SIM1: variants seen among roughly 807,000 people sequenced by gnomAD.
The protein encoded by SIM1 is SIM bHLH transcription factor 1, also known as single-minded homolog 1.
SIM1 carries 18 observed loss-of-function variants against 78.2 expected under a neutral mutation model. The observed-to-expected ratio is 0.23, with a 90% confidence interval of 0.16 to 0.34. SIM1 has a LOEUF of 0.34. Ranked by LOEUF, SIM1 falls within the 10% of genes least tolerant of loss-of-function variation. SIM1 has a pLI of 1.00. For synonymous variants in SIM1, 417 were observed against 385.2 expected, an observed-to-expected ratio of 1.08 and a Z score of -0.97; for missense variants, 939 against 975.1, an observed-to-expected ratio of 0.96 and a Z score of 0.49.
At chr6:100,396,239 T>A in intron 10 of SIM1, 1 of 171,730 alleles carries the variant, frequency 5.8e-6, no homozygotes, top group Non-Finnish European at 1.2e-5. Context: ...TCAGAGAAAC[T>A]CAGACCATCA....
chr6:100,413,405 G>A (rs1582622092), intron 10 of SIM1, among the ~76,000 whole-genome samples: 1 of 152,128 alleles, frequency 6.6e-6, no homozygotes, highest in Non-Finnish European at 1.5e-5. Flanking sequence ...GCCCCAAAAT[G>A]TCTTCCTTTT....
rs1265199331 is a variant in SIM1, at chr6:100,412,587, G to GAA, written c.1167+8201_1167+8202dup. ...AGAAAGAAAGAAAGAAAGAAAGAAA[G>GAA]AAAGAAAGAAAGAAAGAAAGAAAGG... On this transcript the variant is annotated intron_variant, in intron 10 of 11. Transcript: ENST00000369208. Among the ~76,000 whole-genome samples, 57 of 90,346 alleles carry GAA rather than the reference G, an allele frequency of 6.3e-4. 3 individuals are homozygous for GAA. Among genetic ancestry groups the GAA allele is most frequent in the African/African-American group, 2.2e-3 (55 of 25,252 alleles). The allele number at this position is 90,346 out of a possible 152,430, so 59.3% of individuals were successfully genotyped here. A position where few individuals can be genotyped will look rare whatever the true frequency, so the allele number is the denominator to read the frequency against.
At chr6:100,394,438 C>A (rs1259120243) in intron 10 of SIM1, among the ~76,000 whole-genome samples, 1 of 152,136 alleles carries the variant, frequency 6.6e-6, no homozygotes, top group Non-Finnish European at 1.5e-5. Flanking sequence ...CAGGGTCTGG[C>A]CCTGTCCCCC....
chr6:100,413,688 C>T (rs529931862), intron 10 of SIM1, among the ~76,000 whole-genome samples: 7 of 151,908 alleles, frequency 4.6e-5, no homozygotes, highest in Admixed American at 1.3e-4. Context: ...CCTAAGATAC[C>T]CACTTAAGTA....
chr6:100,456,440 C>T (rs1772664372), intron 2 of SIM1, among the ~76,000 whole-genome samples: 1 of 152,152 alleles, frequency 6.6e-6, no homozygotes, highest in African/African-American at 2.4e-5. Context: ...CCCTTTGCGG[C>T]GGGATTACAG....
At chr6:100,446,803 G>A (rs140155626) in intron 9 of SIM1, among the ~76,000 whole-genome samples, 4 of 152,162 alleles carry the variant, frequency 2.6e-5, no homozygotes, top group Admixed American at 1.3e-4. Flanking sequence ...TGTGGTTCAG[G>A]GGGGAAGCCA....
intron 9 of SIM1, among the ~76,000 whole-genome samples, chr6:100,429,205 C>CA (rs1006652746): frequency 5.3e-5 from 8 of 152,092 alleles, no homozygotes; most frequent in South Asian, 2.1e-4. Flanking sequence ...CCCATCTCCA[C>CA]AAAAAATACA....
At chr6:100,448,301 T>C in intron 7 of SIM1, 49 bp from the exon 8 acceptor site, 2 of 1,491,680 alleles carry the variant, frequency 1.3e-6, no homozygotes, top group Non-Finnish European at 9.2e-7. Flanking sequence ...GGTGCAGGGA[T>C]GCCCTCCCCA....
In SIM1 at chr6:100,393,492, A is replaced by C. The variant is rs756695640; in HGVS notation, c.1565T>G (p.Ile522Ser). 7.8e-6 allele frequency: 12 copies of C among 1,529,800 alleles called. No homozygotes were observed. The highest frequency in any genetic ancestry group is 9.7e-6 in the Non-Finnish European group (11 of 1,135,662). 94.8% of individuals were successfully genotyped at this position (1,529,800 alleles called of 1,614,324 possible). Residue 522 changes from isoleucine (I) to serine (S), a missense_variant, in exon 11 of 12, where the codon ATC (isoleucine) becomes AGC (serine). Transcript: ENST00000369208. Reference protein sequence around the residue: ...SMPHIASVHRIHGRGHWDEDS... With the variant: ...SMPHIASVHRSHGRGHWDEDS... ...ACCCTTTCACCTGCTCTTACCATGGATCCTGTGGACTGAAGCGATGTGAGG... is the reference window on the plus strand; with the variant it reads ...ACCCTTTCACCTGCTCTTACCATGGCTCCTGTGGACTGAAGCGATGTGAGG...
At chr6:100,404,357 A>G (rs1771001919) in intron 10 of SIM1, among the ~76,000 whole-genome samples, 1 of 152,202 alleles carries the variant, frequency 6.6e-6, no homozygotes, top group Non-Finnish European at 1.5e-5. Flanking sequence ...GGTTTTTATC[A>G]TTTATAGCTG....
chr6:100,395,011 C>T (rs919419365), intron 10 of SIM1, among the ~76,000 whole-genome samples: 1 of 152,108 alleles, frequency 6.6e-6, no homozygotes. Context: ...AATTAAATGG[C>T]TTATCTACTC....
chr6:100,422,929 G>A (rs972214989), intron 9 of SIM1, among the ~76,000 whole-genome samples: 1 of 152,048 alleles, frequency 6.6e-6, no homozygotes, highest in Non-Finnish European at 1.5e-5. Context: ...CCAAACACAG[G>A]GCAATGATGT....
intron 9 of SIM1, 152 bp downstream of exon 9, chr6:100,447,116 A>G (rs573169672): frequency 6.1e-4 from 455 of 751,834 alleles, no homozygotes; most frequent in Non-Finnish European, 9.0e-4. Context: ...AAAGTGTTCG[A>G]TCTGCCTCCT....
intron 9 of SIM1, among the ~76,000 whole-genome samples, chr6:100,426,933 A>G (rs959677148): frequency 6.6e-6 from 1 of 152,222 alleles, no homozygotes; most frequent in Non-Finnish European, 1.5e-5. Flanking sequence ...TCAAATTACC[A>G]AGGAAACGTG....
At chr6:100,396,572 T>C (rs917972323) in intron 10 of SIM1, among the ~76,000 whole-genome samples, 1 of 152,102 alleles carries the variant, frequency 6.6e-6, no homozygotes, top group Non-Finnish European at 1.5e-5. Context: ...CCCTGAGATA[T>C]TCAAGCAGGC....
At chr6:100,451,147 T>C (rs1195350129) in intron 3 of SIM1, among the ~76,000 whole-genome samples, 1 of 152,126 alleles carries the variant, frequency 6.6e-6, no homozygotes, top group Non-Finnish European at 1.5e-5. Flanking sequence ...TGAAGACAGA[T>C]ATAGTGACCA....
chr6:100,436,373 T>C (rs1424338507), intron 9 of SIM1, among the ~76,000 whole-genome samples: 1 of 152,246 alleles, frequency 6.6e-6, no homozygotes, highest in Non-Finnish European at 1.5e-5. Context: ...TAAAGGCCAC[T>C]AGTCCTAACC....
At chr6:100,446,941 CCTCT>C (rs969741600) in intron 9 of SIM1, among the ~76,000 whole-genome samples, 3 of 152,128 alleles carry the variant, frequency 2.0e-5, no homozygotes, top group African/African-American at 7.2e-5. Context: ...TAGATCCTTT[CCTCT>C]CTCTCTCTTT....
Position 100,464,648 on chromosome 6 carries a change from C to A in SIM1, c.-502G>T, listed in dbSNP as rs373982767. 6.6e-6 allele frequency: 1 copy of A among 152,320 alleles called. No individual in the cohort carries two copies. Among genetic ancestry groups the A allele is most frequent in the East Asian group, 1.9e-4 (1 of 5,138 alleles). The allele number at this position is 152,320 out of a possible 1,614,324, so 9.4% of individuals were successfully genotyped here. On this transcript the variant is annotated 5_prime_UTR_variant, in exon 1 of 12. Transcript: ENST00000369208. ...CCACAAGCGGCAGAGGTTTCGGGGG[C>A]GCCCATCTCTTAACTGTTCTCATGC...
Sources: gnomAD v4.1 joint callset for allele counts (sites outside exome capture counted in the v4.1 genomes callset) on GRCh38, gnomAD v4.1.1 for gene constraint, MANE v1.5 for transcripts, NCBI Gene and HGNC (gene_info 2026-07-23, HGNC 2026-07-21) for gene names.